The following MB21D2 variants were observed in gnomAD, a reference collection of about 807,000 sequenced individuals.
The protein encoded by MB21D2 is Mab-21 domain containing 2.
In MB21D2, 9 loss-of-function variants were observed where a neutral mutation model predicts 33.3. The ratio of observed to expected loss-of-function variants is 0.27; its 90% confidence interval spans 0.16 to 0.47. MB21D2 has a LOEUF of 0.47. Ranked by LOEUF, MB21D2 falls within the 20% of genes least tolerant of loss-of-function variation. The pLI, the probability that MB21D2 is intolerant of heterozygous loss-of-function variation, is 0.99. For missense variants in MB21D2, 540 were observed against 624.6 expected, an observed-to-expected ratio of 0.86 and a Z score of 1.44; for synonymous variants, 241 against 236.3, an observed-to-expected ratio of 1.02 and a Z score of -0.18.
Position 192,837,633 on chromosome 3 carries a change from C to G in MB21D2, c.212-37983G>C, listed in dbSNP as rs371358365. Among the ~76,000 whole-genome samples the G allele has an allele frequency of 3.3e-5, 5 of 152,246 alleles. No individual in the cohort carries two copies. In the East Asian group the frequency reaches 9.7e-4, roughly 29 times the overall value. On this transcript the variant is annotated intron_variant, in intron 1 of 1. Transcript: ENST00000392452. The stretch of plus-strand genomic sequence containing the variant: ...GCTCACTGGTTTCCAAATGACAATC[C>G]CTGAATGAGTCTGGGCCGTCTGCAT...
chr3:192,858,574 T>C (rs1010464832), intron 1 of MB21D2, among the ~76,000 whole-genome samples: 1 of 152,196 alleles, frequency 6.6e-6, no homozygotes, highest in Non-Finnish European at 1.5e-5. Context: ...GATTCACATT[T>C]CCCCCTCAGC....
At chr3:192,904,120 AC>A (rs1229848996) in intron 1 of MB21D2, among the ~76,000 whole-genome samples, 4 of 152,136 alleles carry the variant, frequency 2.6e-5, no homozygotes, top group African/African-American at 9.7e-5. Flanking sequence ...TTAAAACCAC[AC>A]CTGGAACACG....
At chr3:192,829,267 CAATT>C (rs1712260707) in intron 1 of MB21D2, among the ~76,000 whole-genome samples, 1 of 152,186 alleles carries the variant, frequency 6.6e-6, no homozygotes, top group Non-Finnish European at 1.5e-5. Flanking sequence ...AGATGTGACA[CAATT>C]TATTTATCCA....
In MB21D2 at chr3:192,807,626, A is replaced by C. The variant is rs562785109; in HGVS notation, c.212-7976T>G. On this transcript the variant is annotated intron_variant, in intron 1 of 1. Coordinates refer to ENST00000392452, the MANE Select transcript of MB21D2 (RefSeq NM_178496.4). ...TTTAATTGGGGAGGAGAAGGGGGGA[A>C]GTCTACATTTTGGAAGAAAAATAAT... 2.6e-5 allele frequency among the ~76,000 whole-genome samples: 4 copies of C among 152,284 alleles called. No individual in the cohort carries two copies. The South Asian group carries it at 6.2e-4, about 24-fold the overall frequency.
rs1577207194 is a variant in MB21D2, at chr3:192,917,505, AC to A, written c.211+124del. The A allele has an allele frequency of 1.3e-5, 12 of 903,920 alleles. No homozygotes were observed. The East Asian group carries it at 3.0e-4, about 23-fold the overall frequency. 56.0% of individuals were successfully genotyped at this position (903,920 alleles called of 1,614,324 possible). ...GAGAGGCGGAACAGAGATGGCTTATACCCAAGGCACCGGCTCGGGAAGGCAA... is the reference window on the plus strand; with the variant it reads ...GAGAGGCGGAACAGAGATGGCTTATACCAAGGCACCGGCTCGGGAAGGCAA... On this transcript the variant is annotated intron_variant, in intron 1 of 1. Transcript: ENST00000392452.
chr3:192,817,221 T>A (rs1711947295), intron 1 of MB21D2, among the ~76,000 whole-genome samples: 1 of 152,196 alleles, frequency 6.6e-6, no homozygotes, highest in African/African-American at 2.4e-5. Context: ...GAGGGGAGGA[T>A]CTGTGTTTGA....
At chr3:192,861,940 C>G (rs1349055090) in intron 1 of MB21D2, among the ~76,000 whole-genome samples, 1 of 152,220 alleles carries the variant, frequency 6.6e-6, no homozygotes, top group African/African-American at 2.4e-5. Flanking sequence ...CAAACTGGGG[C>G]AACAGGCCAG....
chr3:192,834,855 G>A (rs1712399309), intron 1 of MB21D2, among the ~76,000 whole-genome samples: 1 of 144,438 alleles, frequency 6.9e-6, no homozygotes, highest in Non-Finnish European at 1.5e-5. Context: ...TCTGACGCAG[G>A]CTGGAGTGCA....
chr3:192,819,830 T>C, intron 1 of MB21D2, among the ~76,000 whole-genome samples: 1 of 152,160 alleles, frequency 6.6e-6, no homozygotes, highest in South Asian at 2.1e-4. Context: ...TACTCCAGCT[T>C]GGGAGGCACC....
At chr3:192,816,108 G>T (rs34628136) in intron 1 of MB21D2, among the ~76,000 whole-genome samples, 30,110 of 152,022 alleles carry the variant, frequency 0.2, 5,210 homozygotes, top group African/African-American at 0.47. Context: ...GGGTTGAATT[G>T]AGAGACGACG....
intron 1 of MB21D2, among the ~76,000 whole-genome samples, chr3:192,813,684 C>T (rs981189308): frequency 6.6e-6 from 1 of 152,104 alleles, no homozygotes; most frequent in Admixed American, 6.5e-5. Flanking sequence ...GATGAGTATA[C>T]AAAGTATCCA....
At chr3:192,875,860 G>A (rs1008638312) in intron 1 of MB21D2, among the ~76,000 whole-genome samples, 1 of 152,142 alleles carries the variant, frequency 6.6e-6, no homozygotes, top group African/African-American at 2.4e-5. Context: ...CCAAGCAAGG[G>A]ACGACATGGC....
At chr3:192,823,688 T>A (rs1259016192) in intron 1 of MB21D2, among the ~76,000 whole-genome samples, 2 of 152,080 alleles carry the variant, frequency 1.3e-5, no homozygotes, top group Non-Finnish European at 2.9e-5. Context: ...ATAAGTCTAC[T>A]CAGAGCTTGA....
chr3:192,849,937 TC>T (rs1712763431), intron 1 of MB21D2, among the ~76,000 whole-genome samples: 1 of 149,230 alleles, frequency 6.7e-6, no homozygotes. Flanking sequence ...TTTTTTTTTT[TC>T]GAGACAGTCT....
intron 1 of MB21D2, among the ~76,000 whole-genome samples, chr3:192,897,141 C>T (rs1170976381): frequency 6.6e-6 from 1 of 152,100 alleles, no homozygotes; most frequent in African/African-American, 2.4e-5. Context: ...TCGTGGGATC[C>T]ATGAGGTATT....
intron 1 of MB21D2, among the ~76,000 whole-genome samples, chr3:192,894,519 C>T (rs1010728317): frequency 6.6e-6 from 1 of 152,156 alleles, no homozygotes; most frequent in Non-Finnish European, 1.5e-5. Context: ...ACTATTTTCA[C>T]CTGAGAGGTC....
intron 1 of MB21D2, among the ~76,000 whole-genome samples, chr3:192,867,153 G>T (rs1331758076): frequency 6.6e-6 from 1 of 152,140 alleles, no homozygotes; most frequent in East Asian, 1.9e-4. Flanking sequence ...GGAGTATTGG[G>T]TAGAGGGAGG....
At chr3:192,889,398 A>G (rs1713803494) in intron 1 of MB21D2, among the ~76,000 whole-genome samples, 1 of 152,132 alleles carries the variant, frequency 6.6e-6, no homozygotes, top group Non-Finnish European at 1.5e-5. Context: ...GGCAGAAAAG[A>G]ATTCAATGGG....
At chr3:192,900,713 C>T (rs1049717005) in intron 1 of MB21D2, among the ~76,000 whole-genome samples, 3 of 151,980 alleles carry the variant, frequency 2.0e-5, no homozygotes, top group Non-Finnish European at 4.4e-5. Flanking sequence ...GAGGCCGAGG[C>T]GAGCAGAGCA....
Sources: allele counts gnomAD v4.1 joint callset (sites outside exome capture counted in the v4.1 genomes callset), GRCh38; gene constraint gnomAD v4.1.1; transcripts MANE v1.5; gene names NCBI Gene and HGNC (gene_info 2026-07-23, HGNC 2026-07-21).